Variants in RPS6KA2 observed in about 807,000 individuals in gnomAD.
RPS6KA2 encodes the protein ribosomal protein S6 kinase A2.
RPS6KA2 carries 42 observed loss-of-function variants against 91.8 expected under a neutral mutation model. That is an observed-to-expected ratio of 0.46 (90% confidence interval 0.36 to 0.59). RPS6KA2 has a LOEUF of 0.59. Ranked by LOEUF, RPS6KA2 falls within the 20% of genes least tolerant of loss-of-function variation. RPS6KA2 has a pLI of 0.00. For missense variants in RPS6KA2, 798 were observed against 978.5 expected (o/e 0.82, Z 2.46); for synonymous variants, 414 against 393.6 (o/e 1.05, Z -0.61).
intron 14 of RPS6KA2, among the ~76,000 whole-genome samples, chr6:166,443,871 C>T (rs569717106): frequency 6.6e-6 from 1 of 151,960 alleles, no homozygotes; most frequent in African/African-American, 2.4e-5. Flanking sequence ...TTAAATATTT[C>T]TAGGCTATGT....
At chr6:166,598,018 C>G (rs1234891970) in intron 1 of RPS6KA2, among the ~76,000 whole-genome samples, 1 of 152,208 alleles carries the variant, frequency 6.6e-6, no homozygotes, top group African/African-American at 2.4e-5. Context: ...CTAAATGGGT[C>G]CAGGAGCAGT....
At chr6:166,611,917 C>T (rs1255966054) in intron 1 of RPS6KA2, among the ~76,000 whole-genome samples, 2 of 152,222 alleles carry the variant, frequency 1.3e-5, no homozygotes, top group Non-Finnish European at 2.9e-5. Flanking sequence ...ATGGGTAGGG[C>T]ACACACGCCC....
intron 2 of RPS6KA2, among the ~76,000 whole-genome samples, chr6:166,707,137 A>G (rs1430558998): frequency 6.6e-6 from 1 of 152,242 alleles, no homozygotes; most frequent in Non-Finnish European, 1.5e-5. Flanking sequence ...AGGAAGAGAA[A>G]ACCAGCATCT....
In RPS6KA2 at chr6:166,434,830, A is replaced by C. The variant is rs1283909074; in HGVS notation, c.1333-2340T>G. On this transcript the variant is annotated intron_variant, in intron 14 of 20. Coordinates refer to ENST00000265678, the MANE Select transcript of RPS6KA2 (RefSeq NM_021135.6). The surrounding 1 kb of genome is among the most constrained non-coding windows in gnomAD (Gnocchi z 4.4). ...AAAAAAGGCCGACGCGAGCAGGTGC[A>C]TCCTACGCCATCCCTTGTTTTAAAA... Among the ~76,000 whole-genome samples, 1 of 152,182 alleles carries C rather than the reference A, an allele frequency of 6.6e-6. No homozygotes were observed. The highest frequency in any genetic ancestry group is 1.5e-5 in the Non-Finnish European group (1 of 68,036).
At position 166,423,719 on chromosome 6, in the gene RPS6KA2, G is replaced by T. The variant is rs1778813319; in HGVS notation, c.1582-302C>A. ...GTTGAGGCCGCAGCTTACTGGAGCT[G>T]TCACATAAAAGGAAATGTGGTGAGC... On this transcript the variant is annotated intron_variant, in intron 16 of 20. Transcript: ENST00000265678. The surrounding 1 kb of genome is among the most constrained non-coding windows in gnomAD (Gnocchi z 4.8). 2 of 269,066 alleles carry T rather than the reference G, an allele frequency of 7.4e-6. No homozygotes were observed. Among genetic ancestry groups the T allele is most frequent in the Non-Finnish European group, 1.4e-5 (2 of 142,562 alleles). 16.7% of individuals were successfully genotyped at this position (269,066 alleles called of 1,614,324 possible).
chr6:166,771,596 T>C (rs1458819270), intron 2 of RPS6KA2, among the ~76,000 whole-genome samples: 2 of 152,224 alleles, frequency 1.3e-5, no homozygotes, highest in African/African-American at 4.8e-5. Context: ...CATTTCCTAC[T>C]TTCTCCTTTA....
At chr6:166,804,015 A>C (rs1415972385) in intron 2 of RPS6KA2, among the ~76,000 whole-genome samples, 1 of 152,192 alleles carries the variant, frequency 6.6e-6, no homozygotes, top group Non-Finnish European at 1.5e-5. Context: ...AACATTCTTC[A>C]CCTGAAATTT....
At chr6:166,750,080 G>A (rs1269210288) in intron 2 of RPS6KA2, among the ~76,000 whole-genome samples, 3 of 152,176 alleles carry the variant, frequency 2.0e-5, no homozygotes, top group African/African-American at 7.2e-5. Flanking sequence ...GAAGGCAGGG[G>A]CCGCACCAAG....
chr6:166,838,330 AAG>A (rs1206869066), intron 2 of RPS6KA2, among the ~76,000 whole-genome samples: 1 of 152,232 alleles, frequency 6.6e-6, no homozygotes, highest in Non-Finnish European at 1.5e-5. Flanking sequence ...TGGGGAAGGC[AAG>A]GATGAGAGTG....
intron 2 of RPS6KA2, chr6:166,858,102 C>T (rs758787338): frequency 6.3e-6 from 5 of 793,124 alleles, no homozygotes; most frequent in Admixed American, 3.5e-5. Flanking sequence ...AATAACTGCT[C>T]ACAGATATTT....
rs1288248593 is a variant in RPS6KA2 at position 166,821,264 on chromosome 6, G to C, written c.123+36936C>G. On this transcript the variant is annotated intron_variant, in intron 2 of 21. Transcript: ENST00000503859. The surrounding 1 kb of genome is among the most constrained non-coding windows in gnomAD (Gnocchi z 4.1). Reference sequence around the variant, plus strand: ...GGTGATCGGGTAACACCGAGACAAGGATTTCTCTTTCTTTCCAGCAGGCGC... The same window carrying C: ...GGTGATCGGGTAACACCGAGACAAGCATTTCTCTTTCTTTCCAGCAGGCGC... 6.6e-6 allele frequency among the ~76,000 whole-genome samples: 1 copy of C among 152,084 alleles called. No homozygotes were observed. Among genetic ancestry groups the C allele is most frequent in the Non-Finnish European group, 1.5e-5 (1 of 68,018 alleles).
chr6:166,753,275 C>T (rs1043241973), intron 2 of RPS6KA2, among the ~76,000 whole-genome samples: 3 of 152,202 alleles, frequency 2.0e-5, no homozygotes, highest in Admixed American at 1.3e-4. Context: ...AACAAGGAGA[C>T]GCCACCTCTG....
chr6:166,573,345 A>C (rs1784745207), intron 1 of RPS6KA2, among the ~76,000 whole-genome samples: 1 of 152,176 alleles, frequency 6.6e-6, no homozygotes, highest in Non-Finnish European at 1.5e-5. Context: ...GGGAAAACAG[A>C]GGGTCCACTG....
intron 14 of RPS6KA2, 31 bp from the exon 15 acceptor site, chr6:166,432,521 G>A (rs767545307): frequency 8.8e-5 from 128 of 1,453,160 alleles, no homozygotes; most frequent in East Asian, 1.1e-4. Context: ...GGCAGTGAGG[G>A]GTCTACTTTA....
intron 2 of RPS6KA2, among the ~76,000 whole-genome samples, chr6:166,755,338 T>C (rs1013645781): frequency 4.6e-5 from 7 of 152,092 alleles, no homozygotes; most frequent in East Asian, 1.9e-4. Context: ...AAGAGATGCA[T>C]TGGGCCTCCT....
In RPS6KA2 at chr6:166,832,036, TGATAGATAGATAGATAGATAGATA is replaced by T. The variant is rs58214863; in HGVS notation, c.123+26140_123+26163del. On this transcript the variant is annotated intron_variant, in intron 2 of 21. Coordinates refer to the RPS6KA2 transcript ENST00000503859. ...TATACATACATGTATAGATGATACATGATAGATAGATAGATAGATAGATAGATAGATAGATAGATAGATAGATAT... is the reference window on the plus strand; with the variant it reads ...TATACATACATGTATAGATGATACATGATAGATAGATAGATAGATAGATAT... Among the ~76,000 whole-genome samples, 220 of 148,046 alleles carry T rather than the reference TGATAGATAGATAGATAGATAGATA, an allele frequency of 1.5e-3. 1 individual carries two copies. Among genetic ancestry groups the T allele is most frequent in the African/African-American group, 5.0e-3 (200 of 39,846 alleles).
At chr6:166,579,097 G>T (rs1311584697) in intron 1 of RPS6KA2, among the ~76,000 whole-genome samples, 1 of 152,226 alleles carries the variant, frequency 6.6e-6, no homozygotes, top group African/African-American at 2.4e-5. Flanking sequence ...ATGAGAAGGC[G>T]TGTCAGTCAA....
rs574825791 is a variant in RPS6KA2, at chr6:166,664,049, T to G, written c.124-125265A>C. On this transcript the variant is annotated intron_variant, in intron 2 of 21. Transcript: ENST00000503859. ...ATGGTTGAAAGTGCTTTATAAACAT[T>G]AAGTGTCATAGAGGAAATTTGTTAG... is the stretch of plus-strand genomic sequence containing the variant. 2.0e-5 allele frequency among the ~76,000 whole-genome samples: 3 copies of G among 152,384 alleles called. No individual in the cohort carries two copies. The East Asian group carries it at 5.8e-4, about 29-fold the overall frequency.
At chr6:166,729,020 G>T (rs2128588032) in intron 2 of RPS6KA2, among the ~76,000 whole-genome samples, 1 of 152,350 alleles carries the variant, frequency 6.6e-6, no homozygotes, top group East Asian at 1.9e-4. Context: ...GTGACCACAG[G>T]CTGACACATG....
Sources: allele counts gnomAD v4.1 joint callset (sites outside exome capture counted in the v4.1 genomes callset), GRCh38; gene constraint gnomAD v4.1.1; non-coding constraint Gnocchi (gnomAD v3.1); transcripts MANE v1.5; gene names NCBI Gene and HGNC (gene_info 2026-07-23, HGNC 2026-07-21).